The following KLHDC2 variants were observed in gnomAD, a reference collection of about 807,000 sequenced individuals.
The protein encoded by KLHDC2 is kelch domain containing 2, also known as kelch domain-containing protein 2.
KLHDC2 carries 38 observed loss-of-function variants against 62.3 expected under a neutral mutation model. That is an observed-to-expected ratio of 0.61 (90% CI 0.47 to 0.80). KLHDC2 has a LOEUF of 0.80. Ranked by LOEUF, KLHDC2 falls within the 30% of genes least tolerant of loss-of-function variation. KLHDC2 has a pLI of 0.00. For missense variants in KLHDC2, 430 were observed against 495.3 expected, an observed-to-expected ratio of 0.87 and a Z score of 1.25; for synonymous variants, 159 against 161.0, an observed-to-expected ratio of 0.99 and a Z score of 0.09.
intron 1 of KLHDC2, among the ~76,000 whole-genome samples, chr14:49,769,898 C>T (rs1165623303): frequency 6.7e-6 from 1 of 149,378 alleles, no homozygotes; most frequent in East Asian, 2.0e-4. Flanking sequence ...GCTGAGACGG[C>T]GCCATTGCAC....
rs1890152535 is a variant in KLHDC2 at position 49,785,883 on chromosome 14, C to G, written c.*2930C>G. On this transcript the variant is annotated 3_prime_UTR_variant, in exon 13 of 13. Transcript: ENST00000298307. ...GACACCAGCCTGGGTGACAGAGACC[C>G]TGTCTCAAAAAAAAAAAAAAAAGGA... is the stretch of plus-strand genomic sequence containing the variant. 1.9e-5 allele frequency: 1 copy of G among 51,772 alleles called. No individual in the cohort carries two copies. The highest frequency in any genetic ancestry group is 3.8e-5 in the Non-Finnish European group (1 of 26,316). 3.2% of individuals were successfully genotyped at this position (51,772 alleles called of 1,614,324 possible). A position where few individuals can be genotyped will look rare whatever the true frequency, so the allele number is the denominator to read the frequency against.
chr14:49,770,541 C>T (rs978494699), intron 1 of KLHDC2, among the ~76,000 whole-genome samples: 7 of 152,138 alleles, frequency 4.6e-5, no homozygotes, highest in African/African-American at 1.7e-4. Flanking sequence ...CAACATTGTT[C>T]AGAAAGTGGC....
At chr14:49,775,789 G>A (rs774545311) in intron 3 of KLHDC2, among the ~76,000 whole-genome samples, 2 of 151,976 alleles carry the variant, frequency 1.3e-5, no homozygotes, top group Non-Finnish European at 2.9e-5. Flanking sequence ...ACTACGCCCA[G>A]CTAATTTTTT....
At chr14:49,768,642 C>T (rs1355895338) in intron 1 of KLHDC2, 21 bp downstream of exon 1, 1 of 1,558,176 alleles carries the variant, frequency 6.4e-7, no homozygotes, top group Non-Finnish European at 8.7e-7. Context: ...GGCCGGGCCG[C>T]GACGGACGTC....
chr14:49,782,746 G>A, intron 12 of KLHDC2, 84 bp from the exon 13 acceptor site: 1 of 1,485,060 alleles, frequency 6.7e-7, no homozygotes, highest in Non-Finnish European at 9.2e-7. Context: ...GAAAGAAAGA[G>A]GGATGTTTTA....
chr14:49,768,507 G>C lies in KLHDC2; in HGVS notation c.39G>C (p.Leu13Phe). Residue 13 changes from leucine (L) to phenylalanine (F), a missense_variant, in exon 1 of 13, where the codon TTG becomes TTC. By Grantham distance (22) the Leu-to-Phe change is conservative. Coordinates refer to ENST00000298307, the MANE Select transcript of KLHDC2 (RefSeq NM_014315.3). ...DGNEDLRADDLPGPAFESYES... is the reference protein window; with the variant it reads ...DGNEDLRADDFPGPAFESYES... ...ACGAGGATCTGCGGGCTGACGACTTGCCTGGGCCAGCCTTCGAGAGCTATG... is the reference window on the plus strand; with the variant it reads ...ACGAGGATCTGCGGGCTGACGACTTCCCTGGGCCAGCCTTCGAGAGCTATG... The C allele has an allele frequency of 6.2e-7, 1 of 1,610,094 alleles. No individual in the cohort carries two copies. The highest frequency in any genetic ancestry group is 1.7e-4 in the Middle Eastern group (1 of 6,048).
At chr14:49,780,350 A>T in intron 9 of KLHDC2, 28 bp downstream of exon 9, 3 of 1,306,554 alleles carry the variant, frequency 2.3e-6, no homozygotes, top group Non-Finnish European at 3.3e-6. Flanking sequence ...ATGATAATGA[A>T]ATCATCATAT....
At position 49,786,188 on chromosome 14, in the gene KLHDC2, T is replaced by C. The variant is rs1257056519; in HGVS notation, c.*3235T>C. The stretch of plus-strand genomic sequence containing the variant: ...GAGGATGTCGCTAAACATTTTATAA[T>C]GAATGGGACAGACCCCACAACAAAG... On this transcript the variant is annotated 3_prime_UTR_variant, in exon 13 of 13. Coordinates refer to ENST00000298307, the MANE Select transcript of KLHDC2 (RefSeq NM_014315.3). 6.5e-6 allele frequency: 1 copy of C among 153,314 alleles called. No individual in the cohort carries two copies. The highest frequency in any genetic ancestry group is 2.4e-5 in the African/African-American group (1 of 41,440). 9.5% of individuals were successfully genotyped at this position (153,314 alleles called of 1,614,324 possible).
rs78895499 is a variant in KLHDC2, at chr14:49,782,975, G to C, written c.*22G>C. ...TTAAGGCTTCATAAATAATGCCTATGATCACCTTGCATGGACAGCAATCCT... is the reference window on the plus strand; with the variant it reads ...TTAAGGCTTCATAAATAATGCCTATCATCACCTTGCATGGACAGCAATCCT... On this transcript the variant is annotated 3_prime_UTR_variant, in exon 13 of 13. Transcript: ENST00000298307. 1.0e-3 allele frequency: 1,653 copies of C among 1,607,188 alleles called. 17 individuals are homozygous for C. In the African/African-American group the frequency reaches 0.02, roughly 19 times the overall value.
At position 49,780,748 on chromosome 14, in the gene KLHDC2, T is replaced by A. The variant is rs372254011; in HGVS notation, c.929T>A (p.Phe310Tyr). 2.4e-5 allele frequency: 38 copies of A among 1,605,476 alleles called. No homozygotes were observed. The African/African-American group carries it at 4.7e-4, about 20-fold the overall frequency. The change falls in exon 10 of 13, where the codon TTT becomes TAT. Residue 310 changes from phenylalanine to tyrosine, a missense_variant. By Grantham distance (22) the Phe-to-Tyr change is conservative. Transcript: ENST00000298307. Reference protein sequence around the residue: ...YCISKNEWIQFNHPYTEKPRL... With the variant: ...YCISKNEWIQYNHPYTEKPRL... ...ATCAGTAAAAATGAATGGATACAATTTAATCATCCATATACCGAAAAACCA... is the reference window on the plus strand; with the variant it reads ...ATCAGTAAAAATGAATGGATACAATATAATCATCCATATACCGAAAAACCA...
intron 10 of KLHDC2, 64 bp from the exon 11 acceptor site, chr14:49,782,306 T>C: frequency 1.0e-6 from 1 of 987,286 alleles, no homozygotes; most frequent in Non-Finnish European, 1.6e-6. Context: ...AGCTCTATTC[T>C]GTAGTATAAA....
Position 49,776,523 on chromosome 14 carries a change from CTTAGAG to C in KLHDC2, c.352-1312_352-1307del, listed in dbSNP as rs1370819515. ...AGATTAAGTCAATTAACTCTTTAAT[CTTAGAG>C]TTAAATAGACACCGAACATGTATTT... is the stretch of plus-strand genomic sequence containing the variant. On this transcript the variant is annotated intron_variant, in intron 3 of 12. Coordinates refer to ENST00000298307, the MANE Select transcript of KLHDC2 (RefSeq NM_014315.3). 2.6e-5 allele frequency among the ~76,000 whole-genome samples: 4 copies of C among 152,040 alleles called. No homozygotes were observed. In the East Asian group the frequency reaches 5.8e-4, roughly 22 times the overall value.
Position 49,784,977 on chromosome 14 carries a change from A to G in KLHDC2, c.*2024A>G, listed in dbSNP as rs768480680. ...TCTTGCTGTTGCTTCTTTGGAATGC[A>G]TGAAACTATTCAAGGCTGTTTTTGC... On this transcript the variant is annotated 3_prime_UTR_variant, in exon 13 of 13. Transcript: ENST00000298307. 5 of 1,613,982 alleles carry G rather than the reference A, an allele frequency of 3.1e-6. No homozygotes were observed. The highest frequency in any genetic ancestry group is 4.2e-6 in the Non-Finnish European group (5 of 1,179,940).
Position 49,768,537 on chromosome 14 carries a change from C to T in KLHDC2, c.69C>T (p.Ser23=). ...LPGPAFESYE[S]MELACPAERS... ...GGCCAGCCTTCGAGAGCTATGAGTCCATGGAGCTTGCCTGCCCCGCTGAGC... is the reference window on the plus strand; with the variant it reads ...GGCCAGCCTTCGAGAGCTATGAGTCTATGGAGCTTGCCTGCCCCGCTGAGC... Residue 23 remains serine, a synonymous_variant, in exon 1 of 13, where the codon TCC becomes TCT. Transcript: ENST00000298307. 1 of 1,610,874 alleles carries T rather than the reference C, an allele frequency of 6.2e-7. No individual in the cohort carries two copies. The highest frequency in any genetic ancestry group is 8.5e-7 in the Non-Finnish European group (1 of 1,178,970).
intron 2 of KLHDC2, among the ~76,000 whole-genome samples, chr14:49,772,041 C>G (rs959988544): frequency 2.0e-5 from 3 of 152,156 alleles, no homozygotes; most frequent in African/African-American, 7.2e-5. Flanking sequence ...AAAACACTTT[C>G]TAAGCTACTT....
Position 49,771,635 on chromosome 14 carries a change from A to T in KLHDC2, c.195A>T (p.Arg65Ser). The T allele has an allele frequency of 6.5e-7, 1 of 1,532,312 alleles. No individual in the cohort carries two copies. The highest frequency in any genetic ancestry group is 9.0e-7 in the Non-Finnish European group (1 of 1,105,596). The allele number at this position is 1,532,312 out of a possible 1,614,324, so 94.9% of individuals were successfully genotyped here. A position where few individuals can be genotyped will look rare whatever the true frequency, so the allele number is the denominator to read the frequency against. ...GATTATATGACTTTTATCTGCCTAG[A>T]GAAGAACTATGGATCTACAACATGG... Reference protein sequence around the residue: ...VRGLYDFYLPREELWIYNMET... With the variant: ...VRGLYDFYLPSEELWIYNMET... Residue 65 changes from arginine to serine, a missense_variant, in exon 2 of 13, where the codon AGA (arginine) becomes AGT (serine). Arg to Ser is a moderately radical substitution (Grantham distance 110, BLOSUM62 -1). Coordinates refer to ENST00000298307, the MANE Select transcript of KLHDC2 (RefSeq NM_014315.3).
Position 49,780,318 on chromosome 14 carries a change from A to C in KLHDC2, c.879A>C (p.Pro293=), listed in dbSNP as rs1470595482. ...LFGGFTTDKQ[P]LSDAWTYCIS... ...GAGGATTTACCACTGATAAACAGCC[A>C]CTAAGTAAGTCCTTGAAAAATATGA... is the stretch of plus-strand genomic sequence containing the variant. Residue 293 remains proline (P), a synonymous_variant, in exon 9 of 13, where the codon CCA becomes CCC. Coordinates refer to ENST00000298307, the MANE Select transcript of KLHDC2 (RefSeq NM_014315.3). 6.4e-7 allele frequency: 1 copy of C among 1,555,868 alleles called. No individual in the cohort carries two copies. Among genetic ancestry groups the C allele is most frequent in the African/African-American group, 1.4e-5 (1 of 73,672 alleles).
chr14:49,776,368 G>C (rs1021505078), intron 3 of KLHDC2, among the ~76,000 whole-genome samples: 2 of 152,170 alleles, frequency 1.3e-5, no homozygotes, highest in East Asian at 1.9e-4. Flanking sequence ...ATGGAAGCTT[G>C]AGTGTCTCAG....
chr14:49,778,748 G>C (rs1164741588), intron 6 of KLHDC2, among the ~76,000 whole-genome samples: 2 of 149,004 alleles, frequency 1.3e-5, no homozygotes, highest in Non-Finnish European at 3.0e-5. Context: ...TTTTGAGACA[G>C]AGTCTCGCAC....
Sources: gnomAD v4.1 joint callset for allele counts (sites outside exome capture counted in the v4.1 genomes callset) on GRCh38, gnomAD v4.1.1 for gene constraint, MANE v1.5 for transcripts, NCBI Gene and HGNC (gene_info 2026-07-23, HGNC 2026-07-21) for gene names.